Variants in GSN observed in about 807,000 individuals in gnomAD.
GSN encodes actin-depolymerizing factor.
GSN carries 56 observed loss-of-function variants against 85.7 expected under a neutral mutation model. That is an observed-to-expected ratio of 0.65 (90% CI 0.53 to 0.82). GSN has a LOEUF of 0.82. Ranked by LOEUF, GSN falls within the 40% of genes least tolerant of loss-of-function variation. The pLI is 0.00. For synonymous variants in GSN, 373 were observed against 399.1 expected, an observed-to-expected ratio of 0.93 and a Z score of 0.78; for missense variants, 857 against 979.8, an observed-to-expected ratio of 0.87 and a Z score of 1.67.
chr9:121,227,404 A>G lies in GSN; in HGVS notation c.-527-3761A>G, dbSNP rs75022943. On this transcript the variant is annotated intron_variant, in intron 4 of 24. Transcript: ENST00000373823. ...GCGAGACTCCATCTAAAAAAAAAAA[A>G]AGAGAGAGAGAGAAGACACTGGTAA... Among the ~76,000 whole-genome samples the G allele has an allele frequency of 7.6e-4, 115 of 151,964 alleles. No homozygotes were observed. The Middle Eastern group carries it at 0.01, about 13-fold the overall frequency.
chr9:121,323,715 A>G (rs2062794425), intron 11 of GSN, among the ~76,000 whole-genome samples: 1 of 152,176 alleles, frequency 6.6e-6, no homozygotes. Flanking sequence ...CCAGGATCCC[A>G]CATGGCATTT....
intron 4 of GSN, among the ~76,000 whole-genome samples, chr9:121,304,474 C>T (rs757747050): frequency 3.9e-5 from 6 of 152,216 alleles, no homozygotes; most frequent in African/African-American, 9.6e-5. Flanking sequence ...AGAAATGGAA[C>T]GAACACTTGC....
chr9:121,248,461 C>G lies in GSN; in HGVS notation c.-341+138C>G, dbSNP rs149847907. The G allele has an allele frequency of 6.7e-4, 102 of 152,406 alleles. 1 individual carries two copies. In the East Asian group the frequency reaches 0.015, roughly 23 times the overall value. 9.4% of individuals were successfully genotyped at this position (152,406 alleles called of 1,614,324 possible). A position where few individuals can be genotyped will look rare whatever the true frequency, so the allele number is the denominator to read the frequency against. ...CTTCCTTCTTTCCTTTTTCTCTCCTCCTCTCCCTTCCCCATCTCGTCCCTC... is the reference window on the plus strand; with the variant it reads ...CTTCCTTCTTTCCTTTTTCTCTCCTGCTCTCCCTTCCCCATCTCGTCCCTC... On this transcript the variant is annotated intron_variant, in intron 6 of 24. Coordinates refer to the GSN transcript ENST00000373823.
At chr9:121,322,516 A>T (rs996299295) in intron 11 of GSN, among the ~76,000 whole-genome samples, 29 of 152,236 alleles carry the variant, frequency 1.9e-4, no homozygotes, top group African/African-American at 6.3e-4. Flanking sequence ...CCTTAAACAA[A>T]CATCACTTTG....
chr9:121,251,990 CA>C (rs2054848362), intron 6 of GSN, among the ~76,000 whole-genome samples: 1 of 152,036 alleles, frequency 6.6e-6, no homozygotes, highest in South Asian at 2.1e-4. Flanking sequence ...AAAAGACATA[CA>C]AACAATTCAA....
intron 4 of GSN, among the ~76,000 whole-genome samples, chr9:121,225,154 GAGTA>G (rs1407265119): frequency 6.6e-6 from 1 of 152,164 alleles, no homozygotes; most frequent in Non-Finnish European, 1.5e-5. Flanking sequence ...CAAGAAAAAT[GAGTA>G]AGTTAGTTCT....
intron 12 of GSN, 102 bp downstream of exon 12, chr9:121,324,746 T>C: frequency 1.4e-6 from 1 of 700,820 alleles, no homozygotes; most frequent in Non-Finnish European, 2.6e-6. Context: ...TCCATCTGTC[T>C]GTCTGTCCAT....
At chr9:121,214,305 T>C (rs980688324) in intron 4 of GSN, among the ~76,000 whole-genome samples, 1 of 151,942 alleles carries the variant, frequency 6.6e-6, no homozygotes, top group Non-Finnish European at 1.5e-5. Flanking sequence ...CTTCCTCTTC[T>C]TCTTCCTCTT....
intron 8 of GSN, chr9:121,317,763 C>A (rs1404562278): frequency 1.5e-5 from 3 of 204,360 alleles, no homozygotes; most frequent in African/African-American, 7.0e-5. Context: ...CCATCAATAT[C>A]CTCCCCTGAT....
intron 1 of GSN, chr9:121,279,992 C>T (rs1185392351): frequency 1.3e-5 from 2 of 152,238 alleles, no homozygotes; most frequent in Admixed American, 1.3e-4. Context: ...GACTCCACTT[C>T]CGTGGCTGTG....
chr9:121,205,998 A>G (rs921923545), upstream of GSN, among the ~76,000 whole-genome samples: 9 of 151,506 alleles, frequency 5.9e-5, no homozygotes, highest in African/African-American at 2.2e-4. Flanking sequence ...CCCTACCCCT[A>G]TGCTTGAATC....
rs2304392 is a variant in GSN at position 121,321,142 on chromosome 9, G to A, written c.1192-126G>A. ...TGGGCAAACCATTTAACTCCAGTCC[G>A]AGCCCAAGTGATTAAAAGTTCATCC... On this transcript the variant is annotated intron_variant, in intron 10 of 17. Coordinates refer to ENST00000432226, the MANE Select transcript of GSN (RefSeq NM_198252.3). 0.057 allele frequency: 58,360 copies of A among 1,027,016 alleles called. 2,411 individuals are homozygous for A. The highest frequency in any genetic ancestry group is 0.15 in the East Asian group (6,334 of 42,000). The allele number at this position is 1,027,016 out of a possible 1,614,324, so 63.6% of individuals were successfully genotyped here. A position where few individuals can be genotyped will look rare whatever the true frequency, so the allele number is the denominator to read the frequency against.
chr9:121,237,009 G>A (rs2054508561), intron 5 of GSN, among the ~76,000 whole-genome samples: 1 of 152,084 alleles, frequency 6.6e-6, no homozygotes, highest in Admixed American at 6.5e-5. Context: ...TTCTTTTGTT[G>A]TACCCCAAGC....
At chr9:121,270,471 A>G (rs1375774659) in intron 1 of GSN, among the ~76,000 whole-genome samples, 1 of 152,242 alleles carries the variant, frequency 6.6e-6, no homozygotes, top group African/African-American at 2.4e-5. Context: ...GGGATGGGTC[A>G]GAGCAGCAGA....
At chr9:121,267,987 A>G (rs964989289), upstream of GSN, 1 of 152,196 alleles carries the variant, frequency 6.6e-6, no homozygotes, top group African/African-American at 2.4e-5. Context: ...TGCGAGGTGA[A>G]GCGAGGGGTC....
intron 4 of GSN, among the ~76,000 whole-genome samples, chr9:121,305,064 C>T (rs547942465): frequency 2.0e-5 from 3 of 152,176 alleles, no homozygotes; most frequent in Admixed American, 6.5e-5. Flanking sequence ...ACCTGACAGT[C>T]TAACATGGTT....
At chr9:121,273,129 G>A (rs558502456) in intron 1 of GSN, among the ~76,000 whole-genome samples, 6 of 152,334 alleles carry the variant, frequency 3.9e-5, no homozygotes, top group African/African-American at 1.2e-4. Context: ...GATCCAGAAA[G>A]GCTTTAAGCC....
chr9:121,206,008 C>A (rs932035281), upstream of GSN, among the ~76,000 whole-genome samples: 3 of 150,946 alleles, frequency 2.0e-5, no homozygotes, highest in Non-Finnish European at 4.4e-5. Flanking sequence ...ATGCTTGAAT[C>A]TTTTTTGTTT....
In GSN at chr9:121,239,330, T is replaced by C. The variant is rs565114806; in HGVS notation, c.-389+8027T>C. ...GGGTGAGGGATGGCAATCCACCCAA[T>C]AGTTGGGTCATTAGCCAAGTTCAAA... is the stretch of plus-strand genomic sequence containing the variant. On this transcript the variant is annotated intron_variant, in intron 5 of 24. Coordinates refer to the GSN transcript ENST00000373823. 255 of 430,874 alleles carry C rather than the reference T, an allele frequency of 5.9e-4. 1 individual carries two copies. In the Middle Eastern group the frequency reaches 7.2e-3, roughly 12 times the overall value. 26.7% of individuals were successfully genotyped at this position (430,874 alleles called of 1,614,324 possible). A position where few individuals can be genotyped will look rare whatever the true frequency, so the allele number is the denominator to read the frequency against.
Sources: gnomAD v4.1 joint callset for allele counts (sites outside exome capture counted in the v4.1 genomes callset) on GRCh38, gnomAD v4.1.1 for gene constraint, MANE v1.5 for transcripts, NCBI Gene and HGNC (gene_info 2026-07-23, HGNC 2026-07-21) for gene names.